ZNF577: variants seen among roughly 807,000 people sequenced by gnomAD.
ZNF577 encodes zinc finger protein 577.
A neutral mutation model predicts 13.9 loss-of-function variants in ZNF577; 14 were observed. The observed-to-expected ratio is 1.00, with a 90% CI of 0.66 to 1.57. The LOEUF is 1.57. Ranked by LOEUF, ZNF577 falls within the 40% of genes most tolerant of loss-of-function variation. The pLI is 0.00. For missense variants in ZNF577, 555 were observed against 579.2 expected, an observed-to-expected ratio of 0.96 and a Z score of 0.43; for synonymous variants, 203 against 202.9, an observed-to-expected ratio of 1.00 and a Z score of 0.00.
At chr19:51,821,070 C>A (rs945339094) in intron 9 of ZNF577, among the ~76,000 whole-genome samples, 2 of 152,186 alleles carry the variant, frequency 1.3e-5, no homozygotes, top group Non-Finnish European at 2.9e-5. Flanking sequence ...CAGCACACAG[C>A]CTGGTGAGGA....
rs2084058770 is a variant in ZNF577 at position 51,806,363 on chromosome 19, CCTT to C, written c.*818-1112_*818-1110del. ...TAAATCCACCGGGCCTTTCCATTGT[CCTT>C]CTTCTGGGGATTTCCATAACACTTT... On this transcript the variant is annotated intron_variant and NMD_transcript_variant, in intron 10 of 10. Coordinates refer to the ZNF577 transcript ENST00000638827. Among the ~76,000 whole-genome samples, 7 of 152,208 alleles carry C rather than the reference CCTT, an allele frequency of 4.6e-5. No homozygotes were observed. The South Asian group carries it at 1.4e-3, about 32-fold the overall frequency.
rs1367616299 is a variant in ZNF577 at position 51,887,755 on chromosome 19, T to A, written c.-1153A>T. The A allele has an allele frequency of 1.3e-5, 2 of 149,766 alleles. No homozygotes were observed. Among genetic ancestry groups the A allele is most frequent in the South Asian group, 4.3e-4 (2 of 4,662 alleles). The allele number at this position is 149,766 out of a possible 1,614,324, so 9.3% of individuals were successfully genotyped here. A position where few individuals can be genotyped will look rare whatever the true frequency, so the allele number is the denominator to read the frequency against. ...CCGAGAGCTCCCCGCAACACGGACC[T>A]CACGCGCTAGCGAACAACAGAAAAA... On this transcript the variant is annotated 5_prime_UTR_variant, in exon 1 of 6. The change abolishes the stop of an existing upstream ORF in the 5' untranslated region. Transcript: ENST00000638348.
intron 9 of ZNF577, among the ~76,000 whole-genome samples, chr19:51,823,460 T>C (rs991606904): frequency 6.6e-6 from 1 of 152,194 alleles, no homozygotes; most frequent in African/African-American, 2.4e-5. Context: ...CCATTGTCCA[T>C]ACACTCTCAG....
intron 9 of ZNF577, among the ~76,000 whole-genome samples, chr19:51,818,783 C>T (rs1358592793): frequency 1.3e-5 from 2 of 152,120 alleles, no homozygotes; most frequent in Non-Finnish European, 2.9e-5. Flanking sequence ...GAGATGAGGT[C>T]TGGGGATACA....
intron 4 of ZNF577, 110 bp from the exon 5 acceptor site, chr19:51,877,487 C>A: frequency 1.2e-6 from 1 of 843,926 alleles, no homozygotes. Context: ...TAAAGCAAAA[C>A]TCTTTCACTC....
intron 9 of ZNF577, among the ~76,000 whole-genome samples, chr19:51,832,070 A>G (rs990616429): frequency 6.6e-6 from 1 of 152,140 alleles, no homozygotes; most frequent in Non-Finnish European, 1.5e-5. Context: ...CTTTTTGTCA[A>G]TCACAAAATC....
intron 9 of ZNF577, chr19:51,823,750 T>A: frequency 6.3e-7 from 1 of 1,578,152 alleles, no homozygotes; most frequent in South Asian, 1.2e-5. Context: ...TGTGGGAAGA[T>A]GGAAACCAAC....
chr19:51,873,160 T>C lies in ZNF577; in HGVS notation c.830A>G (p.Lys277Arg), dbSNP rs1443612524. The C allele has an allele frequency of 6.2e-7, 1 of 1,614,160 alleles. No homozygotes were observed. Among genetic ancestry groups the C allele is most frequent in the South Asian group, 1.1e-5 (1 of 91,078 alleles). Residue 277 changes from lysine to arginine, a missense_variant, in exon 6 of 6, where the codon AAA becomes AGA. Lys to Arg is a conservative substitution (Grantham distance 26). Coordinates refer to ENST00000638348, the MANE Select transcript of ZNF577 (RefSeq NM_001370449.1). ...EKLYGCSVCG[K>R]AFSQKAYLTA... ...GAGGTATGCCTTCTGAGAAAAGGCT[T>C]TCCCACACACACTGCACCCATAGAG...
At chr19:51,849,646 A>G (rs796615557) in intron 5 of ZNF577, among the ~76,000 whole-genome samples, 3 of 152,370 alleles carry the variant, frequency 2.0e-5, no homozygotes, top group African/African-American at 7.2e-5. Context: ...AAATAAAGAC[A>G]ACGCTGTTAA....
At chr19:51,865,761 G>A (rs1469064630), downstream of ZNF577, among the ~76,000 whole-genome samples, 1 of 152,064 alleles carries the variant, frequency 6.6e-6, no homozygotes, top group Non-Finnish European at 1.5e-5. Flanking sequence ...CCATCTTGTT[G>A]GTTCTCACTC....
chr19:51,884,647 A>T lies in ZNF577; in HGVS notation c.-219+2174T>A, dbSNP rs140835248. ...TTCCAAACACAAATCAATAGAATAA[A>T]AAAAAAAAGAATTATAGAGATAGGT... On this transcript the variant is annotated intron_variant, in intron 1 of 5. Transcript: ENST00000638348. Among the ~76,000 whole-genome samples the T allele has an allele frequency of 9.9e-3, 1,506 of 152,210 alleles. 15 individuals are homozygous for T. Among genetic ancestry groups the T allele is most frequent in the South Asian group, 0.019 (93 of 4,826 alleles).
At chr19:51,862,787 T>G (rs79447761), downstream of ZNF577, 2 of 152,334 alleles carry the variant, frequency 1.3e-5, no homozygotes, top group African/African-American at 4.8e-5. Flanking sequence ...AAAGCCTTTT[T>G]TGAGAAGGCT....
intron 5 of ZNF577, chr19:51,861,188 G>A (rs1355415659): frequency 6.3e-5 from 17 of 269,742 alleles, no homozygotes; most frequent in Middle Eastern, 1.3e-3. Flanking sequence ...GTGCAATCTC[G>A]GCTTACTGCA....
At chr19:51,805,204 C>T (rs1016783610) in exon 11 of ZNF577, 4 of 152,322 alleles carry the variant, frequency 2.6e-5, no homozygotes, top group South Asian at 4.1e-4. Flanking sequence ...AATGTAAGAC[C>T]AGGCTGGGCA....
chr19:51,851,014 TCAC>T lies in ZNF577; in HGVS notation c.284-6086_284-6084del, dbSNP rs1452329680. ...ATAATTTTGTGATAAAAATAAGAGA[TCAC>T]CATTTAAAATTATGGAAAGTTCTCA... On this transcript the variant is annotated intron_variant and NMD_transcript_variant, in intron 5 of 10. Coordinates refer to the ZNF577 transcript ENST00000638827. Among the ~76,000 whole-genome samples the T allele has an allele frequency of 2.0e-5, 3 of 152,206 alleles. No homozygotes were observed. The East Asian group carries it at 5.8e-4, about 29-fold the overall frequency.
chr19:51,873,788 C>T, intron 5 of ZNF577, 82 bp from the exon 6 acceptor site: 1 of 1,089,646 alleles, frequency 9.2e-7, no homozygotes, highest in Non-Finnish European at 1.3e-6. Flanking sequence ...TTACATAAAC[C>T]AAACTTATTT....
chr19:51,824,795 G>A lies in ZNF577; in HGVS notation c.*600-13121C>T. ...CTGCTTCACCTCCTGAGGAGACGGA[G>A]TTACAAGCAATGTGAGGTCGGGGAT... On this transcript the variant is annotated intron_variant and NMD_transcript_variant, in intron 9 of 10. Coordinates refer to the ZNF577 transcript ENST00000638827. This position sits in a 1 kb window ranked among gnomAD's most constrained non-coding sequence, Gnocchi z 4.7. The A allele has an allele frequency of 5.0e-6, 8 of 1,610,332 alleles. No individual in the cohort carries two copies. The highest frequency in any genetic ancestry group is 5.9e-6 in the Non-Finnish European group (7 of 1,177,690).
chr19:51,872,529 G>A lies in ZNF577; in HGVS notation c.*3C>T. 3 of 1,555,714 alleles carry A rather than the reference G, an allele frequency of 1.9e-6. No individual in the cohort carries two copies. The highest frequency in any genetic ancestry group is 2.6e-6 in the Non-Finnish European group (3 of 1,150,104). On this transcript the variant is annotated 3_prime_UTR_variant, in exon 6 of 6. Coordinates refer to ENST00000638348, the MANE Select transcript of ZNF577 (RefSeq NM_001370449.1). ...TTTTCCCACCTTTCTGGTATCAGAA[G>A]ATTTATTCTGATACAATATCTGTAA...
chr19:51,865,348 C>G (rs796613255), downstream of ZNF577, among the ~76,000 whole-genome samples: 1 of 152,114 alleles, frequency 6.6e-6, no homozygotes, highest in Non-Finnish European at 1.5e-5. Context: ...CCACCCACCT[C>G]GGCCTCCCAA....
Sources: gnomAD v4.1 joint callset for allele counts (sites outside exome capture counted in the v4.1 genomes callset) on GRCh38, gnomAD v4.1.1 for gene constraint, Gnocchi (gnomAD v3.1) non-coding constraint, MANE v1.5 for transcripts, NCBI Gene and HGNC (gene_info 2026-07-23, HGNC 2026-07-21) for gene names.